The following UBE3A variants were observed in gnomAD, a reference collection of about 807,000 sequenced individuals.
The protein encoded by UBE3A is ubiquitin protein ligase E3A.
UBE3A carries 6 observed loss-of-function variants against 83.4 expected under a neutral mutation model. The observed-to-expected ratio is 0.07, with a 90% confidence interval of 0.04 to 0.14. The LOEUF is 0.14. UBE3A is among the 10% of genes least tolerant of loss of function. UBE3A has a pLI of 1.00. For synonymous variants in UBE3A, 337 were observed against 355.4 expected (o/e 0.95, Z 0.58); for missense variants, 456 against 1,036.1 (o/e 0.44, Z 7.69).
At chr15:25,432,034 A>G (rs1029636799) in intron 1 of UBE3A, among the ~76,000 whole-genome samples, 1 of 152,230 alleles carries the variant, frequency 6.6e-6, no homozygotes, top group African/African-American at 2.4e-5. Flanking sequence ...AAAGAACAGC[A>G]TTATGGTTCA....
At chr15:25,339,487 C>A in intron 12 of UBE3A, 1 of 418,578 alleles carries the variant, frequency 2.4e-6, no homozygotes, top group Non-Finnish European at 4.2e-6. Context: ...TGAGTTTTTA[C>A]TACATAACAG....
intron 11 of UBE3A, chr15:25,346,099 A>G (rs2152563267): frequency 1.3e-5 from 2 of 152,380 alleles, no homozygotes; most frequent in Middle Eastern, 6.8e-3. Context: ...TCCACAGCCC[A>G]GGGACACAAT....
Position 25,338,945 on chromosome 15 carries a change from C to T in UBE3A, c.*192G>A. The T allele has an allele frequency of 2.4e-6, 1 of 412,772 alleles. No homozygotes were observed. Among genetic ancestry groups the T allele is most frequent in the Admixed American group, 4.2e-5 (1 of 23,838 alleles). 25.6% of individuals were successfully genotyped at this position (412,772 alleles called of 1,614,324 possible). On this transcript the variant is annotated 3_prime_UTR_variant, in exon 13 of 13. Coordinates refer to ENST00000648336, the MANE Select transcript of UBE3A (RefSeq NM_130839.5). ...ATATATGTAGCTGAAATCTGCTGTTCCAGCCCACATGTCCCCAATAAAGAA... is the reference window on the plus strand; with the variant it reads ...ATATATGTAGCTGAAATCTGCTGTTTCAGCCCACATGTCCCCAATAAAGAA...
intron 11 of UBE3A, among the ~76,000 whole-genome samples, chr15:25,349,001 A>T (rs933529330): frequency 8.5e-5 from 13 of 152,230 alleles, no homozygotes; most frequent in Non-Finnish European, 1.9e-4. Context: ...AAGCAACCTA[A>T]TGAAAAAGTT....
intron 1 of UBE3A, among the ~76,000 whole-genome samples, chr15:25,412,519 C>T (rs2090180028): frequency 1.3e-5 from 2 of 151,888 alleles, no homozygotes; most frequent in South Asian, 2.1e-4. Context: ...CAATATACGA[C>T]GATAATTATA....
At chr15:25,437,296 C>T (rs1345847128) in intron 1 of UBE3A, among the ~76,000 whole-genome samples, 1 of 152,076 alleles carries the variant, frequency 6.6e-6, no homozygotes, top group Non-Finnish European at 1.5e-5. Context: ...CATGATTTAC[C>T]AAATCACTTC....
chr15:25,362,919 G>C (rs942099048), intron 6 of UBE3A, among the ~76,000 whole-genome samples: 4 of 152,090 alleles, frequency 2.6e-5, no homozygotes, highest in Admixed American at 1.3e-4. Context: ...AGGTTATCTG[G>C]TATTTAGACT....
At chr15:25,356,186 CT>C in intron 8 of UBE3A, 130 bp from the exon 9 acceptor site, 2 of 1,092,668 alleles carry the variant, frequency 1.8e-6, no homozygotes, top group Non-Finnish European at 2.7e-6. Flanking sequence ...GACAGTATCC[CT>C]CCAGTCCCCC....
At chr15:25,368,578 G>A (rs1267132012) in intron 6 of UBE3A, among the ~76,000 whole-genome samples, 2 of 151,924 alleles carry the variant, frequency 1.3e-5, no homozygotes, top group African/African-American at 4.8e-5. Context: ...CAATATTCAA[G>A]TACATATACT....
chr15:25,353,362 T>A (rs1019961562), intron 11 of UBE3A, among the ~76,000 whole-genome samples: 3 of 152,176 alleles, frequency 2.0e-5, no homozygotes, highest in Non-Finnish European at 4.4e-5. Flanking sequence ...TTGGTATATG[T>A]GACAGGGATT....
chr15:25,397,764 T>C (rs960743609), intron 4 of UBE3A, among the ~76,000 whole-genome samples: 3 of 152,146 alleles, frequency 2.0e-5, no homozygotes, highest in Non-Finnish European at 4.4e-5. Flanking sequence ...TCTGGTCAAT[T>C]AAACCCACAT....
intron 3 of UBE3A, 63 bp downstream of exon 3, chr15:25,409,025 T>A (rs961465478): frequency 1.3e-6 from 2 of 1,507,606 alleles, no homozygotes; most frequent in African/African-American, 1.4e-5. Flanking sequence ...TCTTCATTTT[T>A]ACAGTATGTA....
rs562173280 is a variant in UBE3A at position 25,334,645 on chromosome 15, C to G, written c.*4492G>C. 1.9e-4 allele frequency: 28 copies of G among 150,378 alleles called. No homozygotes were observed. The highest frequency in any genetic ancestry group is 6.6e-4 in the African/African-American group (27 of 40,904). The allele number at this position is 150,378 out of a possible 1,614,324, so 9.3% of individuals were successfully genotyped here. A position where few individuals can be genotyped will look rare whatever the true frequency, so the allele number is the denominator to read the frequency against. On this transcript the variant is annotated 3_prime_UTR_variant, in exon 13 of 13. Coordinates refer to ENST00000648336, the MANE Select transcript of UBE3A (RefSeq NM_130839.5). ...AATGGAGGACTTGCACATCCCAAAT[C>G]TAAACTTACTACCAAGCTACAGCCA...
chr15:25,407,335 A>C (rs889446861), intron 3 of UBE3A: 9 of 959,366 alleles, frequency 9.4e-6, no homozygotes, highest in African/African-American at 3.6e-5. Context: ...ACAGGGAAAG[A>C]GAAGAGAGGG....
intron 4 of UBE3A, among the ~76,000 whole-genome samples, chr15:25,393,469 CTTTTAT>C (rs1253445416): frequency 1.3e-5 from 2 of 152,126 alleles, no homozygotes; most frequent in African/African-American, 4.8e-5. Flanking sequence ...AATAGCATCC[CTTTTAT>C]TTTTGTTAAT....
At chr15:25,396,223 G>A (rs1007484909) in intron 4 of UBE3A, among the ~76,000 whole-genome samples, 5 of 151,914 alleles carry the variant, frequency 3.3e-5, no homozygotes, top group African/African-American at 1.2e-4. Context: ...TGAAGTTACT[G>A]AGAAACTGGT....
At position 25,433,847 on chromosome 15, in the gene UBE3A, G is replaced by T. The variant is rs549973089; in HGVS notation, c.-165+4642C>A. 2.0e-5 allele frequency among the ~76,000 whole-genome samples: 3 copies of T among 152,168 alleles called. No homozygotes were observed. The South Asian group carries it at 6.2e-4, about 32-fold the overall frequency. On this transcript the variant is annotated intron_variant, in intron 1 of 12. Coordinates refer to ENST00000648336, the MANE Select transcript of UBE3A (RefSeq NM_130839.5). ...TCCTAGCACCTTGGGAGGCCAAGCC[G>T]CTTGAGACCAGGAGTTTGAAACCAA...
chr15:25,426,030 ATT>A (rs35534759), intron 1 of UBE3A, among the ~76,000 whole-genome samples: 7 of 151,684 alleles, frequency 4.6e-5, no homozygotes, highest in Non-Finnish European at 7.4e-5. Flanking sequence ...GTTCTTTGAA[ATT>A]TTTTTTTTAA....
intron 1 of UBE3A, among the ~76,000 whole-genome samples, chr15:25,424,524 G>A (rs2153164991): frequency 6.6e-6 from 1 of 152,234 alleles, no homozygotes; most frequent in East Asian, 1.9e-4. Context: ...GCAAAGGACT[G>A]AGTGGGTTTT....
Sources: gnomAD v4.1 joint callset for allele counts (sites outside exome capture counted in the v4.1 genomes callset) on GRCh38, gnomAD v4.1.1 for gene constraint, MANE v1.5 for transcripts, NCBI Gene and HGNC (gene_info 2026-07-23, HGNC 2026-07-21) for gene names.